The following DPPA4 variants were observed in gnomAD, a reference collection of about 807,000 sequenced individuals.
DPPA4 encodes developmental pluripotency associated 4.
DPPA4 carries 22 observed loss-of-function variants against 33.7 expected under a neutral mutation model. The observed-to-expected ratio is 0.65, with a 90% CI of 0.47 to 0.93. The LOEUF is 0.93. Ranked by LOEUF, DPPA4 falls within the 40% of genes least tolerant of loss-of-function variation. The probability of loss-of-function intolerance (pLI) is 0.00; values close to 1 mark genes in which losing one functional copy is unlikely to be tolerated. For missense variants in DPPA4, 340 were observed against 358.6 expected, an observed-to-expected ratio of 0.95 and a Z score of 0.42; for synonymous variants, 156 against 132.3, an observed-to-expected ratio of 1.18 and a Z score of -1.23.
intron 5 of DPPA4, 41 bp downstream of exon 5, chr3:109,330,483 T>G: frequency 1.2e-6 from 2 of 1,610,332 alleles, no homozygotes; most frequent in Non-Finnish European, 1.7e-6. Context: ...CTAAGCTTAT[T>G]TCCCCATTGG....
rs1177795350 is a variant in DPPA4 at position 109,337,464 on chromosome 3, C to T, written c.54G>A (p.Glu18=). ...ACAAATCCACTAAAACTGTACTGACCTCCTTGCCTTTTGCCTTCTCCATAC... is the reference window on the plus strand; with the variant it reads ...ACAAATCCACTAAAACTGTACTGACTTCCTTGCCTTTTGCCTTCTCCATAC... ...STSMEKAKGK[E]WTSTEKSREE... Residue 18 remains glutamate (E), a splice_region_variant and synonymous_variant, in exon 1 of 7, where the codon GAG becomes GAA. Coordinates refer to ENST00000335658, the MANE Select transcript of DPPA4 (RefSeq NM_018189.4). 6.2e-7 allele frequency: 1 copy of T among 1,613,870 alleles called. No homozygotes were observed. The highest frequency in any genetic ancestry group is 1.1e-5 in the South Asian group (1 of 91,078).
rs184716669 is a variant in DPPA4 at position 109,329,376 on chromosome 3, A to T, written c.680-288T>A. On this transcript the variant is annotated intron_variant, in intron 5 of 6. Coordinates refer to ENST00000335658, the MANE Select transcript of DPPA4 (RefSeq NM_018189.4). Reference sequence around the variant, plus strand: ...CAGTGAAACCCCGTTTCTACTAAAAATACAAAAAATTAGCCAGGCGTGGTG... The same window carrying T: ...CAGTGAAACCCCGTTTCTACTAAAATTACAAAAAATTAGCCAGGCGTGGTG... 25 of 241,108 alleles carry T rather than the reference A, an allele frequency of 1.0e-4. No homozygotes were observed. The East Asian group carries it at 2.0e-3, about 19-fold the overall frequency. 14.9% of individuals were successfully genotyped at this position (241,108 alleles called of 1,614,324 possible).
intron 2 of DPPA4, 89 bp from the exon 3 acceptor site, chr3:109,332,120 TGA>T: frequency 2.3e-6 from 3 of 1,285,334 alleles, no homozygotes; most frequent in Non-Finnish European, 3.2e-6. Flanking sequence ...TTTTCTTTTT[TGA>T]GACAGAATCT....
chr3:109,338,966 C>G (rs1376563149), upstream of DPPA4, among the ~76,000 whole-genome samples: 1 of 151,552 alleles, frequency 6.6e-6, no homozygotes, highest in Non-Finnish European at 1.5e-5. Flanking sequence ...CTGAGGTGGG[C>G]AGGTCACTTG....
intron 1 of DPPA4, among the ~76,000 whole-genome samples, chr3:109,335,551 C>T (rs1372422425): frequency 6.6e-6 from 1 of 152,102 alleles, no homozygotes; most frequent in Non-Finnish European, 1.5e-5. Flanking sequence ...CCTCAGCCTC[C>T]CCACTAGCTG....
Position 109,330,697 on chromosome 3 carries a change from G to A in DPPA4, c.506C>T (p.Ala169Val), listed in dbSNP as rs771980680. Residue 169 changes from alanine to valine, a missense_variant, in exon 5 of 7, where the codon GCT becomes GTT. This residue lies in a region of DPPA4 where 212 missense variants were observed against 206.5 expected (regional missense o/e 1.03). Coordinates refer to ENST00000335658, the MANE Select transcript of DPPA4 (RefSeq NM_018189.4). ...QSSETHPPEV[A>V]LPPVGEPPAL... is the part of the protein sequence containing the mutation. ...AGGCGGCTCCCCCACAGGAGGAAGA[G>A]CCACTTCAGGAGGATGTGTCTCAGA... 8.1e-6 allele frequency: 13 copies of A among 1,614,050 alleles called. No individual in the cohort carries two copies. The African/African-American group carries it at 1.1e-4, about 13-fold the overall frequency.
chr3:109,337,021 C>T (rs1322841436), intron 1 of DPPA4, among the ~76,000 whole-genome samples: 1 of 152,202 alleles, frequency 6.6e-6, no homozygotes, highest in Non-Finnish European at 1.5e-5. Flanking sequence ...CTGCCTCAGC[C>T]TCCCGAGTAG....
At chr3:109,337,201 C>T (rs1708232334) in intron 1 of DPPA4, among the ~76,000 whole-genome samples, 1 of 145,148 alleles carries the variant, frequency 6.9e-6, no homozygotes, top group Non-Finnish European at 1.5e-5. Flanking sequence ...CGCCCGGCCT[C>T]TTTTTTTTTT....
intron 5 of DPPA4, 137 bp from the exon 6 acceptor site, chr3:109,329,225 T>G: frequency 6.7e-6 from 5 of 741,360 alleles, no homozygotes; most frequent in South Asian, 1.8e-5. Context: ...ACCTCTTCTC[T>G]ATTCTGTTCT....
At position 109,330,785 on chromosome 3, in the gene DPPA4, T is replaced by G; in HGVS notation, c.418A>C (p.Lys140Gln). ...TTTTTTTGCAATGATTTCCGGATTTTGGCCTCTTTTGCTGTGCTAGGAAAA... is the reference window on the plus strand; with the variant it reads ...TTTTTTTGCAATGATTTCCGGATTTGGGCCTCTTTTGCTGTGCTAGGAAAA... Reference protein sequence around the residue: ...KDFPSTAKEAKIRKSLQKKLK... With the variant: ...KDFPSTAKEAQIRKSLQKKLK... The change falls in exon 5 of 7, where the codon AAA becomes CAA. Residue 140 changes from lysine (K) to glutamine (Q), a missense_variant. Around this residue, in one of 3 missense-constraint regions of DPPA4, gnomAD observed 212 missense variants for 206.5 expected, o/e 1.03. Transcript: ENST00000335658. 6.2e-7 allele frequency: 1 copy of G among 1,613,194 alleles called. No individual in the cohort carries two copies. Among genetic ancestry groups the G allele is most frequent in the Non-Finnish European group, 8.5e-7 (1 of 1,179,710 alleles).
At chr3:109,337,569 A>G (rs1708240976), upstream of DPPA4, 1 of 1,558,196 alleles carries the variant, frequency 6.4e-7, no homozygotes, top group Admixed American at 1.7e-5. Flanking sequence ...GTCTCCTCCC[A>G]CTTCCTGCCG....
At chr3:109,333,074 C>T (rs986505019) in intron 2 of DPPA4, among the ~76,000 whole-genome samples, 4 of 151,288 alleles carry the variant, frequency 2.6e-5, no homozygotes, top group African/African-American at 7.3e-5. Context: ...GGGCATGGTG[C>T]CTCACACCTG....
chr3:109,331,652 T>G (rs1708082755), intron 4 of DPPA4, 82 bp downstream of exon 4: 1 of 1,322,548 alleles, frequency 7.6e-7, no homozygotes, highest in African/African-American at 1.5e-5. Context: ...AAGGTGAGGC[T>G]AAGACAGTTC....
chr3:109,334,041 C>G, intron 1 of DPPA4, 48 bp from the exon 2 acceptor site: 7 of 1,605,376 alleles, frequency 4.4e-6, no homozygotes, highest in Non-Finnish European at 6.0e-6. Context: ...GTCCAAACCA[C>G]ACATACACTA....
chr3:109,336,459 G>A (rs1708215522), intron 1 of DPPA4: 2 of 152,110 alleles, frequency 1.3e-5, no homozygotes, highest in African/African-American at 4.8e-5. Flanking sequence ...GTTTCTGTCT[G>A]CATTGTTCCC....
At chr3:109,335,890 C>A (rs1313961341) in intron 1 of DPPA4, among the ~76,000 whole-genome samples, 1 of 151,862 alleles carries the variant, frequency 6.6e-6, no homozygotes, top group African/African-American at 2.4e-5. Context: ...CCGTGGCTCA[C>A]GCCTGTAATC....
rs1465419806 is a variant in DPPA4 at position 109,333,945 on chromosome 3, GAT to G, written c.101_102del (p.Asn34ThrfsTer25). The G allele has an allele frequency of 6.2e-7, 1 of 1,614,008 alleles. No homozygotes were observed. ...CCTGGCAAAGCAATTGAATTTGGTTGATTAGAAGCCTGCTGATCCTCTTCCCT... is the reference window on the plus strand; with the variant it reads ...CCTGGCAAAGCAATTGAATTTGGTTGTAGAAGCCTGCTGATCCTCTTCCCT... ...KSREEDQQAS[N>X]QPNSIALPGT... On this transcript the variant is annotated frameshift_variant, in exon 2 of 7. Transcript: ENST00000335658. LOFTEE classifies it high-confidence loss of function.
At chr3:109,336,560 C>A (rs1263580194) in intron 1 of DPPA4, 1 of 152,172 alleles carries the variant, frequency 6.6e-6, no homozygotes, top group Admixed American at 6.5e-5. Context: ...GGATCTGTGT[C>A]CGTCTAAAGG....
intron 4 of DPPA4, among the ~76,000 whole-genome samples, 181 bp from the exon 5 acceptor site, chr3:109,330,993 C>T (rs1191350967): frequency 1.3e-5 from 2 of 151,952 alleles, no homozygotes; most frequent in African/African-American, 4.8e-5. Context: ...GAAAATTGCT[C>T]AGTTGGCCAC....
Sources: gnomAD v4.1 joint callset for allele counts (sites outside exome capture counted in the v4.1 genomes callset) on GRCh38, gnomAD v4.1.1 for gene constraint, gnomAD v4.1.1 regional missense constraint, MANE v1.5 for transcripts, NCBI Gene and HGNC (gene_info 2026-07-23, HGNC 2026-07-21) for gene names.